GRXCR1: variants seen among roughly 807,000 people sequenced by gnomAD.
The protein encoded by GRXCR1 is glutaredoxin domain-containing cysteine-rich protein 1.
A neutral mutation model predicts 27.3 loss-of-function variants in GRXCR1; 27 were observed. The observed-to-expected ratio is 0.99, with a 90% CI of 0.73 to 1.37. The LOEUF (loss-of-function observed/expected upper bound fraction) is 1.37, where lower values mean the gene tolerates loss of function less well. Ranked by LOEUF, GRXCR1 falls within the 40% of genes most tolerant of loss-of-function variation. The probability of loss-of-function intolerance (pLI) is 0.00; values close to 1 mark genes in which losing one functional copy is unlikely to be tolerated. For missense variants in GRXCR1, 379 were observed against 354.4 expected (o/e 1.07, Z -0.56); for synonymous variants, 122 against 131.1 (o/e 0.93, Z 0.47).
chr4:43,005,891 T>C (rs1712541561), intron 2 of GRXCR1, among the ~76,000 whole-genome samples: 1 of 152,174 alleles, frequency 6.6e-6, no homozygotes, highest in South Asian at 2.1e-4. Flanking sequence ...AGTTATACAG[T>C]GTTGAATTAA....
At chr4:42,919,060 T>C (rs1746949046) in intron 1 of GRXCR1, among the ~76,000 whole-genome samples, 2 of 152,158 alleles carry the variant, frequency 1.3e-5, no homozygotes, top group Admixed American at 1.3e-4. Flanking sequence ...AATAATACTT[T>C]GGGTTAAAAA....
At chr4:42,969,617 G>C (rs937313975) in intron 2 of GRXCR1, among the ~76,000 whole-genome samples, 2 of 152,058 alleles carry the variant, frequency 1.3e-5, no homozygotes, top group Non-Finnish European at 2.9e-5. Context: ...ACCAGATCTC[G>C]TGAGAACCTG....
At chr4:43,012,615 G>T (rs563925708) in intron 2 of GRXCR1, among the ~76,000 whole-genome samples, 1 of 151,942 alleles carries the variant, frequency 6.6e-6, no homozygotes, top group Admixed American at 6.6e-5. Context: ...GTCATGCAAC[G>T]TTCTAAATTC....
At chr4:42,953,711 A>G (rs1421939979) in intron 1 of GRXCR1, among the ~76,000 whole-genome samples, 4 of 152,160 alleles carry the variant, frequency 2.6e-5, no homozygotes, top group African/African-American at 9.6e-5. Context: ...AAAGTTTGCC[A>G]TTTGAGCTTA....
At chr4:42,903,062 G>A (rs371693034) in intron 1 of GRXCR1, among the ~76,000 whole-genome samples, 1 of 142,484 alleles carries the variant, frequency 7.0e-6, no homozygotes, top group East Asian at 1.9e-4. Context: ...CTAGAACTCA[G>A]GAGGTTTCAT....
chr4:42,911,948 G>A (rs1471539995), intron 1 of GRXCR1, among the ~76,000 whole-genome samples: 1 of 152,104 alleles, frequency 6.6e-6, no homozygotes, highest in African/African-American at 2.4e-5. Context: ...GCAGCAGAGG[G>A]TTTATGTGGG....
intron 2 of GRXCR1, among the ~76,000 whole-genome samples, chr4:43,015,348 A>G (rs900435642): frequency 6.6e-6 from 1 of 152,200 alleles, no homozygotes; most frequent in Non-Finnish European, 1.5e-5. Context: ...AATAAATGGC[A>G]GGGAAGCAGT....
At chr4:42,965,064 C>G (rs1748207405) in intron 2 of GRXCR1, among the ~76,000 whole-genome samples, 1 of 152,028 alleles carries the variant, frequency 6.6e-6, no homozygotes, top group African/African-American at 2.4e-5. Flanking sequence ...TATTCGGAAG[C>G]CAAACTGCTT....
At chr4:42,998,078 C>T (rs888029989) in intron 2 of GRXCR1, among the ~76,000 whole-genome samples, 1 of 152,072 alleles carries the variant, frequency 6.6e-6, no homozygotes, top group Non-Finnish European at 1.5e-5. Flanking sequence ...GAGGTAAATG[C>T]AATTATTACC....
chr4:42,893,764 T>A, intron 1 of GRXCR1, 114 bp downstream of exon 1: 1 of 971,484 alleles, frequency 1.0e-6, no homozygotes, highest in South Asian at 1.3e-5. Flanking sequence ...ACATGCTTCA[T>A]GAGACGCTCC....
At chr4:43,004,892 G>C (rs1304286064) in intron 2 of GRXCR1, among the ~76,000 whole-genome samples, 3 of 152,198 alleles carry the variant, frequency 2.0e-5, no homozygotes, top group Non-Finnish European at 4.4e-5. Flanking sequence ...TTAAGACTTT[G>C]AGGGACTGTT....
At chr4:42,944,453 G>A (rs1392456936) in intron 1 of GRXCR1, among the ~76,000 whole-genome samples, 4 of 152,120 alleles carry the variant, frequency 2.6e-5, no homozygotes, top group Non-Finnish European at 4.4e-5. Context: ...TTCAGAGACC[G>A]TGCCTTGGGG....
At chr4:42,934,262 A>T (rs369229207) in intron 1 of GRXCR1, among the ~76,000 whole-genome samples, 15 of 148,740 alleles carry the variant, frequency 1.0e-4, no homozygotes, top group Non-Finnish European at 1.5e-4. Flanking sequence ...ATATATGTAT[A>T]TATGTATCCA....
intron 1 of GRXCR1, among the ~76,000 whole-genome samples, chr4:42,904,935 C>T (rs1438125686): frequency 2.6e-5 from 4 of 152,160 alleles, no homozygotes; most frequent in East Asian, 1.9e-4. Context: ...TATAGAGATT[C>T]TGTTCCTCTC....
intron 3 of GRXCR1, among the ~76,000 whole-genome samples, chr4:43,026,749 C>A (rs1713269384): frequency 1.3e-5 from 2 of 152,110 alleles, no homozygotes; most frequent in African/African-American, 4.8e-5. Context: ...TTTTTAAAAA[C>A]CAGCTTAGAG....
chr4:42,945,459 T>A (rs1202638029), intron 1 of GRXCR1, among the ~76,000 whole-genome samples: 1 of 152,182 alleles, frequency 6.6e-6, no homozygotes, highest in Non-Finnish European at 1.5e-5. Context: ...CTTCTTTCCT[T>A]CTTTTCTTCC....
chr4:42,919,921 G>C (rs17534536), intron 1 of GRXCR1, among the ~76,000 whole-genome samples: 1 of 151,960 alleles, frequency 6.6e-6, no homozygotes, highest in Non-Finnish European at 1.5e-5. Flanking sequence ...TGTGGTTTGC[G>C]GGAGAAATGG....
intron 2 of GRXCR1, among the ~76,000 whole-genome samples, chr4:42,983,809 A>C (rs1290712653): frequency 6.8e-6 from 1 of 148,052 alleles, no homozygotes; most frequent in Non-Finnish European, 1.5e-5. Context: ...TTTTCAAGTA[A>C]CCTGTCTTTA....
chr4:42,912,950 G>T (rs1746757936), intron 1 of GRXCR1, among the ~76,000 whole-genome samples: 1 of 152,108 alleles, frequency 6.6e-6, no homozygotes, highest in Non-Finnish European at 1.5e-5. Flanking sequence ...TTATAAGGGG[G>T]TTTTATAAGT....
Sources: allele counts gnomAD v4.1 joint callset (sites outside exome capture counted in the v4.1 genomes callset), GRCh38; gene constraint gnomAD v4.1.1; transcripts MANE v1.5; gene names NCBI Gene and HGNC (gene_info 2026-07-23, HGNC 2026-07-21).